DPY19L4: variants seen among roughly 807,000 people sequenced by gnomAD.
DPY19L4 encodes the protein probable C-mannosyltransferase DPY19L4.
DPY19L4 carries 97 observed loss-of-function variants against 102.8 expected under a neutral mutation model. The observed-to-expected ratio is 0.94, with a 90% CI of 0.80 to 1.12. DPY19L4 has a LOEUF of 1.12. Among genes scored for constraint, DPY19L4 ranks in the 50% most tolerant of loss-of-function variants. DPY19L4 has a pLI of 0.00. For synonymous variants in DPY19L4, 252 were observed against 283.1 expected (o/e 0.89, Z 1.10); for missense variants, 815 against 850.4 (o/e 0.96, Z 0.52).
intron 1 of DPY19L4, among the ~76,000 whole-genome samples, chr8:94,721,334 T>G (rs1025162585): frequency 3.3e-5 from 5 of 152,222 alleles, no homozygotes; most frequent in Non-Finnish European, 7.3e-5. Flanking sequence ...TAAGAAGTGT[T>G]TACTGATGTG....
intron 13 of DPY19L4, among the ~76,000 whole-genome samples, chr8:94,771,180 G>T (rs1054580143): frequency 6.6e-6 from 1 of 152,154 alleles, no homozygotes; most frequent in Non-Finnish European, 1.5e-5. Flanking sequence ...CTCCCAAAGT[G>T]TTGGGATTAC....
chr8:94,737,255 G>A (rs540205065), intron 3 of DPY19L4, among the ~76,000 whole-genome samples: 1 of 151,814 alleles, frequency 6.6e-6, no homozygotes, highest in Non-Finnish European at 1.5e-5. Context: ...GTGTGATCTC[G>A]CCTCACTGCA....
intron 6 of DPY19L4, among the ~76,000 whole-genome samples, chr8:94,748,058 C>G (rs140530245): frequency 0.028 from 4,194 of 152,256 alleles, 139 homozygotes; most frequent in African/African-American, 0.078. Context: ...ATTTTGTCAC[C>G]TCCCACTGTT....
At chr8:94,752,463 G>A (rs1021903988) in intron 6 of DPY19L4, among the ~76,000 whole-genome samples, 4 of 150,682 alleles carry the variant, frequency 2.7e-5, no homozygotes, top group Non-Finnish European at 4.4e-5. Context: ...GCACGCGCCT[G>A]TAGTCCCAGC....
At chr8:94,767,374 A>T (rs1052692797) in intron 11 of DPY19L4, among the ~76,000 whole-genome samples, 3 of 151,264 alleles carry the variant, frequency 2.0e-5, no homozygotes, top group African/African-American at 7.3e-5. Context: ...GCTCACTGCA[A>T]GCTCCGCCTC....
chr8:94,731,828 T>C (rs901147774), intron 2 of DPY19L4, among the ~76,000 whole-genome samples: 29 of 152,172 alleles, frequency 1.9e-4, no homozygotes, highest in Admixed American at 3.9e-4. Context: ...CTCGGCTCGC[T>C]GCAAGCTCCG....
intron 6 of DPY19L4, among the ~76,000 whole-genome samples, chr8:94,754,133 G>A (rs138835390): frequency 1.7e-4 from 26 of 152,296 alleles, no homozygotes; most frequent in Admixed American, 5.2e-4. Flanking sequence ...GCAGTGAGCC[G>A]TGATCGTGTC....
rs571343031 is a variant in DPY19L4, at chr8:94,746,159, T to C, written c.611+6369T>C. The stretch of plus-strand genomic sequence containing the variant: ...TCACTACAATGTCCACCTCCTGGGT[T>C]TAAGTGATTCTCCTGCTTCAGCCTC... On this transcript the variant is annotated intron_variant, in intron 6 of 18. Transcript: ENST00000414645. Among the ~76,000 whole-genome samples the C allele has an allele frequency of 4.7e-5, 7 of 150,450 alleles. No individual in the cohort carries two copies. In the South Asian group the frequency reaches 1.3e-3, roughly 27 times the overall value.
At chr8:94,764,640 T>C (rs924644584) in intron 8 of DPY19L4, among the ~76,000 whole-genome samples, 3 of 140,366 alleles carry the variant, frequency 2.1e-5, no homozygotes, top group African/African-American at 7.9e-5. Flanking sequence ...ATATATATTA[T>C]ATATATATGT....
At chr8:94,726,493 G>T (rs759107741) in intron 2 of DPY19L4, 52 bp downstream of exon 2, 23 of 1,344,618 alleles carry the variant, frequency 1.7e-5, no homozygotes, top group Non-Finnish European at 2.2e-5. Context: ...GTTTACACTA[G>T]AAAGTATATT....
At chr8:94,775,199 G>T (rs1297859947) in intron 13 of DPY19L4, among the ~76,000 whole-genome samples, 1 of 147,410 alleles carries the variant, frequency 6.8e-6, no homozygotes, top group Non-Finnish European at 1.5e-5. Context: ...TTTTTTTTGA[G>T]ACAGGGTCCT....
At chr8:94,764,381 C>A (rs1003850307) in intron 8 of DPY19L4, among the ~76,000 whole-genome samples, 3 of 151,782 alleles carry the variant, frequency 2.0e-5, no homozygotes, top group South Asian at 4.2e-4. Flanking sequence ...TCGAGACCAT[C>A]CTGACTAACA....
At chr8:94,752,904 A>G (rs1812008869) in intron 6 of DPY19L4, among the ~76,000 whole-genome samples, 1 of 151,436 alleles carries the variant, frequency 6.6e-6, no homozygotes, top group Admixed American at 6.6e-5. Flanking sequence ...TGACCTCGTG[A>G]TCCGCCCACC....
In DPY19L4 at chr8:94,746,597, A is replaced by T. The variant is rs1408690195; in HGVS notation, c.611+6807A>T. Among the ~76,000 whole-genome samples, 4 of 152,338 alleles carry T rather than the reference A, an allele frequency of 2.6e-5. No homozygotes were observed. The East Asian group carries it at 7.7e-4, about 29-fold the overall frequency. On this transcript the variant is annotated intron_variant, in intron 6 of 18. Transcript: ENST00000414645. ...ACTCCTTGTTTCTCAAACTTCAGTT[A>T]TAGATATTTAAAACTTAAGTTATTC...
chr8:94,766,397 GTTC>G (rs1812673782), intron 10 of DPY19L4, among the ~76,000 whole-genome samples: 3 of 152,092 alleles, frequency 2.0e-5, no homozygotes. Context: ...AAAAAGAAAT[GTTC>G]TTACTACGCC....
Position 94,756,780 on chromosome 8 carries a change from G to A in DPY19L4, c.735+621G>A, listed in dbSNP as rs538207243. On this transcript the variant is annotated intron_variant, in intron 7 of 18. Transcript: ENST00000414645. ...GGCTCATGCCTGTAATCCCAGCACT[G>A]TGGGAGGCTGAGAGGGGCGGACCCA... is the stretch of plus-strand genomic sequence containing the variant. 1.7e-4 allele frequency among the ~76,000 whole-genome samples: 25 copies of A among 149,164 alleles called. No individual in the cohort carries two copies. The South Asian group carries it at 5.2e-3, about 31-fold the overall frequency.
intron 2 of DPY19L4, among the ~76,000 whole-genome samples, chr8:94,733,417 G>T (rs981885935): frequency 6.6e-6 from 1 of 152,134 alleles, no homozygotes; most frequent in African/African-American, 2.4e-5. Context: ...GAGCCACCGT[G>T]CCAGGCCCAT....
At position 94,783,733 on chromosome 8, in the gene DPY19L4, A is replaced by G. The variant is rs749083138; in HGVS notation, c.1779A>G (p.Leu593=). 6 of 1,614,164 alleles carry G rather than the reference A, an allele frequency of 3.7e-6. No homozygotes were observed. Among genetic ancestry groups the G allele is most frequent in the Non-Finnish European group, 4.2e-6 (5 of 1,180,012 alleles). ...CACAGTTAATGGGTGCGATTAAATT[A>G]TGCACTGGATGGATGGTGACAAGTT... is the stretch of plus-strand genomic sequence containing the variant. ...GSPQLMGAIK[L]CTGWMVTSLP... The change falls in exon 17 of 19, where the codon TTA becomes TTG. Residue 593 remains leucine (L), a synonymous_variant. Coordinates refer to ENST00000414645, the MANE Select transcript of DPY19L4 (RefSeq NM_181787.3).
At chr8:94,778,483 T>A (rs1813284036) in intron 14 of DPY19L4, among the ~76,000 whole-genome samples, 1 of 152,120 alleles carries the variant, frequency 6.6e-6, no homozygotes, top group Admixed American at 6.6e-5. Context: ...TGGATTATAA[T>A]CTCTGGGTGT....
Sources: allele counts gnomAD v4.1 joint callset (sites outside exome capture counted in the v4.1 genomes callset), GRCh38; gene constraint gnomAD v4.1.1; transcripts MANE v1.5; gene names NCBI Gene and HGNC (gene_info 2026-07-23, HGNC 2026-07-21).